CDH2: variants seen among roughly 807,000 people sequenced by gnomAD.
CDH2 encodes cadherin-2.
A neutral mutation model predicts 92.0 loss-of-function variants in CDH2; 17 were observed. The ratio of observed to expected loss-of-function variants is 0.18; its 90% CI spans 0.13 to 0.28. CDH2 has a LOEUF of 0.28. Ranked by LOEUF, CDH2 falls within the 10% of genes least tolerant of loss-of-function variation. CDH2 has a pLI of 1.00. For missense variants in CDH2, 862 were observed against 1,133.1 expected, an observed-to-expected ratio of 0.76 and a Z score of 3.44; for synonymous variants, 419 against 415.9, an observed-to-expected ratio of 1.01 and a Z score of -0.09.
At chr18:28,052,054 G>T (rs1356223026) in intron 2 of CDH2, among the ~76,000 whole-genome samples, 1 of 152,040 alleles carries the variant, frequency 6.6e-6, no homozygotes, top group Admixed American at 6.6e-5. Flanking sequence ...AAACAACAAC[G>T]ATGTCATTAT....
rs943756159 is a variant in CDH2 at position 27,983,068 on chromosome 18, A to G, written c.2225T>C (p.Phe742Ser). The G allele has an allele frequency of 3.7e-6, 6 of 1,612,736 alleles. No homozygotes were observed. The Admixed American group carries it at 1.0e-4, about 27-fold the overall frequency. ...IIILLILVLM[F>S]VVWMKRRDKE... ...ATCCCGGCGTTTCATCCATACCACA[A>G]ACATCAGCACAAGGACTAGGTAGAA... The change falls in exon 14 of 16, where the codon TTT becomes TCT. Residue 742 changes from phenylalanine to serine, a missense_variant. Phe to Ser is a radical substitution (Grantham distance 155). Coordinates refer to ENST00000269141, the MANE Select transcript of CDH2 (RefSeq NM_001792.5).
chr18:27,980,870 T>C (rs2012026967), intron 14 of CDH2, among the ~76,000 whole-genome samples: 1 of 151,140 alleles, frequency 6.6e-6, no homozygotes, highest in South Asian at 2.1e-4. Context: ...AAGTTGTAGA[T>C]TTATGATATT....
chr18:28,067,689 T>C (rs1035530252), intron 2 of CDH2, among the ~76,000 whole-genome samples: 4 of 152,160 alleles, frequency 2.6e-5, no homozygotes, highest in African/African-American at 9.7e-5. Flanking sequence ...GTATCTCTTA[T>C]TTTGTTTTAC....
intron 2 of CDH2, among the ~76,000 whole-genome samples, chr18:28,125,371 T>G (rs2015659244): frequency 6.6e-6 from 1 of 152,122 alleles, no homozygotes; most frequent in African/African-American, 2.4e-5. Flanking sequence ...AACTAATATC[T>G]GCTGGCAGTG....
chr18:28,045,253 G>A (rs17446043), intron 2 of CDH2, among the ~76,000 whole-genome samples: 1 of 152,146 alleles, frequency 6.6e-6, no homozygotes, highest in Non-Finnish European at 1.5e-5. Context: ...CCTCTTATGA[G>A]GCCTCTAGTA....
chr18:28,000,623 A>T (rs2012736201), intron 7 of CDH2, among the ~76,000 whole-genome samples: 1 of 152,180 alleles, frequency 6.6e-6, no homozygotes. Context: ...TGAAATGGAA[A>T]GGCCAGGAAT....
At chr18:28,021,971 C>T (rs1481785704) in intron 2 of CDH2, among the ~76,000 whole-genome samples, 1 of 151,778 alleles carries the variant, frequency 6.6e-6, no homozygotes, top group Non-Finnish European at 1.5e-5. Context: ...AGCCACAGAG[C>T]AGTATTTATT....
intron 7 of CDH2, among the ~76,000 whole-genome samples, chr18:27,994,821 C>T (rs992911866): frequency 2.6e-5 from 4 of 151,940 alleles, no homozygotes; most frequent in African/African-American, 9.7e-5. Flanking sequence ...AAAGCCAAAC[C>T]GCCCACACTA....
intron 1 of CDH2, among the ~76,000 whole-genome samples, chr18:28,175,229 G>A (rs1488857749): frequency 6.6e-6 from 1 of 152,146 alleles, no homozygotes; most frequent in East Asian, 1.9e-4. Context: ...AAGTTAGAAG[G>A]AATTCCATCC....
At chr18:28,161,142 C>T (rs186861592) in intron 1 of CDH2, among the ~76,000 whole-genome samples, 70 of 152,290 alleles carry the variant, frequency 4.6e-4, no homozygotes, top group African/African-American at 1.7e-3. Flanking sequence ...CCTCACATAC[C>T]ACAAGCTCTC....
At position 27,958,475 on chromosome 18, in the gene CDH2, ATGTT is replaced by A. The variant is rs568384038; in HGVS notation, c.2514+4878_2514+4881del. Among the ~76,000 whole-genome samples, 34 of 150,036 alleles carry A rather than the reference ATGTT, an allele frequency of 2.3e-4. No homozygotes were observed. In the South Asian group the frequency reaches 5.1e-3, roughly 22 times the overall value. On this transcript the variant is annotated intron_variant, in intron 15 of 15. Transcript: ENST00000269141. ...ATAATAAAAATCTCTTTATATATGT[ATGTT>A]TGTATCTACAAATATACATATTTAT... is the stretch of plus-strand genomic sequence containing the variant.
intron 2 of CDH2, among the ~76,000 whole-genome samples, chr18:28,048,254 G>A (rs1022183093): frequency 2.0e-5 from 3 of 151,276 alleles, no homozygotes; most frequent in African/African-American, 7.3e-5. Flanking sequence ...TTCAAGATAA[G>A]TTCTAGGTTT....
At chr18:28,063,573 C>G (rs2014446625) in intron 2 of CDH2, among the ~76,000 whole-genome samples, 2 of 152,074 alleles carry the variant, frequency 1.3e-5, no homozygotes, top group African/African-American at 4.8e-5. Context: ...TTAACACATC[C>G]TAATAAAAAC....
At chr18:28,017,543 C>T (rs1262138316) in intron 2 of CDH2, among the ~76,000 whole-genome samples, 1 of 152,026 alleles carries the variant, frequency 6.6e-6, no homozygotes, top group Non-Finnish European at 1.5e-5. Flanking sequence ...ACTAGTTTTA[C>T]TTATCTTTCA....
intron 2 of CDH2, among the ~76,000 whole-genome samples, chr18:28,127,841 A>T (rs1045055759): frequency 1.3e-5 from 2 of 152,244 alleles, no homozygotes; most frequent in African/African-American, 4.8e-5. Flanking sequence ...TATGGTTAAC[A>T]TATTGTGAAG....
chr18:27,999,544 T>C (rs2012696104), intron 7 of CDH2, among the ~76,000 whole-genome samples: 1 of 152,062 alleles, frequency 6.6e-6, no homozygotes, highest in Non-Finnish European at 1.5e-5. Flanking sequence ...AGGTGATAGA[T>C]AGTGCTCAAC....
In CDH2 at chr18:27,983,047, C is replaced by T. The variant is rs373060189; in HGVS notation, c.2246G>A (p.Arg749Gln). 2.0e-5 allele frequency: 32 copies of T among 1,612,354 alleles called. No homozygotes were observed. The East Asian group carries it at 2.2e-4, about 11-fold the overall frequency. ...VLMFVVWMKR[R>Q]DKERQAKQLL... ...TTGTTTGGCCTGGCGTTCTTTATCCCGGCGTTTCATCCATACCACAAACAT... is the reference window on the plus strand; with the variant it reads ...TTGTTTGGCCTGGCGTTCTTTATCCTGGCGTTTCATCCATACCACAAACAT... Residue 749 changes from arginine (R) to glutamine (Q), a missense_variant, in exon 14 of 16, where the codon CGG (arginine) becomes CAG (glutamine). Coordinates refer to ENST00000269141, the MANE Select transcript of CDH2 (RefSeq NM_001792.5).
intron 6 of CDH2, among the ~76,000 whole-genome samples, chr18:27,940,899 C>T (rs572816938): frequency 6.6e-6 from 1 of 152,056 alleles, no homozygotes; most frequent in Admixed American, 6.5e-5. Flanking sequence ...AACAAAAGAA[C>T]AAATGAATAG....
At chr18:28,175,959 C>A (rs2016533612) in intron 1 of CDH2, among the ~76,000 whole-genome samples, 1 of 152,204 alleles carries the variant, frequency 6.6e-6, no homozygotes, top group African/African-American at 2.4e-5. Context: ...AAGTGGCCTC[C>A]AGGCCTGGGC....
Sources: gnomAD v4.1 joint callset for allele counts (sites outside exome capture counted in the v4.1 genomes callset) on GRCh38, gnomAD v4.1.1 for gene constraint, MANE v1.5 for transcripts, NCBI Gene and HGNC (gene_info 2026-07-23, HGNC 2026-07-21) for gene names.